The following CPQ variants were observed in gnomAD, a reference collection of about 807,000 sequenced individuals.
The protein encoded by CPQ is Ser-Met dipeptidase.
In CPQ, 37 loss-of-function variants were observed where a neutral mutation model predicts 45.7. The ratio of observed to expected loss-of-function variants is 0.81; its 90% CI spans 0.62 to 1.07. The LOEUF (loss-of-function observed/expected upper bound fraction) is 1.07, where lower values mean the gene tolerates loss of function less well. Ranked by LOEUF, CPQ falls within the 50% of genes least tolerant of loss-of-function variation. CPQ has a pLI of 0.00. For synonymous variants in CPQ, 186 were observed against 205.8 expected, an observed-to-expected ratio of 0.90 and a Z score of 0.82; for missense variants, 537 against 572.9, an observed-to-expected ratio of 0.94 and a Z score of 0.64.
At chr8:96,771,381 T>C (rs925710787) in intron 1 of CPQ, among the ~76,000 whole-genome samples, 1 of 151,938 alleles carries the variant, frequency 6.6e-6, no homozygotes, top group African/African-American at 2.4e-5. Context: ...TGTTTCTAGG[T>C]GGGACTTTCT....
chr8:96,656,062 C>T (rs959238433), intron 1 of CPQ, among the ~76,000 whole-genome samples: 1 of 152,152 alleles, frequency 6.6e-6, no homozygotes. Flanking sequence ...CCATGTTGTC[C>T]AGGCTGGTCT....
chr8:96,686,309 ATGACATGCTGGC>A (rs1809226226), intron 1 of CPQ, among the ~76,000 whole-genome samples: 1 of 152,094 alleles, frequency 6.6e-6, no homozygotes, highest in South Asian at 2.1e-4. Flanking sequence ...TTCATTAAGC[ATGACATGCTGGC>A]TTTTGAGATG....
intron 1 of CPQ, among the ~76,000 whole-genome samples, chr8:96,718,967 G>T (rs528694210): frequency 6.6e-6 from 1 of 152,246 alleles, no homozygotes; most frequent in Non-Finnish European, 1.5e-5. Context: ...CAATCCCTGA[G>T]CTAGACATAA....
At position 97,131,888 on chromosome 8, in the gene CPQ, T is replaced by C. The variant is rs145502280; in HGVS notation, c.1256-11132T>C. On this transcript the variant is annotated intron_variant, in intron 7 of 7. Transcript: ENST00000220763. ...ACCAGTCCGTAAGTGGATCTGCTTA[T>C]AGAGAAACACCTGTTGCTTCTGTTT... Among the ~76,000 whole-genome samples, 305 of 152,254 alleles carry C rather than the reference T, an allele frequency of 2.0e-3. 1 individual carries two copies. Among genetic ancestry groups the C allele is most frequent in the African/African-American group, 6.6e-3 (274 of 41,506 alleles).
At chr8:96,802,256 A>G (rs1254849066) in intron 2 of CPQ, among the ~76,000 whole-genome samples, 1 of 152,190 alleles carries the variant, frequency 6.6e-6, no homozygotes, top group Non-Finnish European at 1.5e-5. Context: ...TCTAGAATTA[A>G]TTAGAGCTTC....
chr8:96,684,380 G>T (rs1809195531), intron 1 of CPQ, among the ~76,000 whole-genome samples: 1 of 152,226 alleles, frequency 6.6e-6, no homozygotes, highest in African/African-American at 2.4e-5. Flanking sequence ...GGCTTTGCTG[G>T]AGATGGGCAT....
At chr8:96,835,317 C>A (rs1304546710) in intron 3 of CPQ, 137 bp downstream of exon 3, 2 of 593,050 alleles carry the variant, frequency 3.4e-6, no homozygotes, top group Non-Finnish European at 5.3e-6. Flanking sequence ...ACACACACAC[C>A]CATTCCACAT....
intron 4 of CPQ, among the ~76,000 whole-genome samples, chr8:96,897,012 A>G (rs926410226): frequency 6.6e-5 from 10 of 152,216 alleles, no homozygotes; most frequent in Admixed American, 1.3e-4. Flanking sequence ...TGATTCCCAC[A>G]CCATTACTCT....
At chr8:96,965,649 G>A (rs142284880) in intron 4 of CPQ, among the ~76,000 whole-genome samples, 218 of 152,150 alleles carry the variant, frequency 1.4e-3, no homozygotes, top group African/African-American at 5.0e-3. Context: ...GATTAGAGGC[G>A]TGAGCCACCG....
intron 4 of CPQ, among the ~76,000 whole-genome samples, chr8:96,963,714 C>T (rs984240440): frequency 6.6e-5 from 10 of 152,070 alleles, no homozygotes; most frequent in Non-Finnish European, 7.4e-5. Flanking sequence ...AGAAAGTGCA[C>T]GAATCCTAAG....
At chr8:96,792,245 A>C (rs1810856184) in intron 2 of CPQ, among the ~76,000 whole-genome samples, 1 of 152,220 alleles carries the variant, frequency 6.6e-6, no homozygotes, top group African/African-American at 2.4e-5. Context: ...CACAATCTCC[A>C]ATCAGTCCTG....
At chr8:97,000,343 G>A (rs1809254235) in intron 5 of CPQ, among the ~76,000 whole-genome samples, 1 of 151,974 alleles carries the variant, frequency 6.6e-6, no homozygotes. Context: ...GTATTGCCCA[G>A]GTTGTCTTCC....
chr8:97,070,044 A>G (rs1810712969), intron 7 of CPQ, among the ~76,000 whole-genome samples: 1 of 152,240 alleles, frequency 6.6e-6, no homozygotes, highest in Admixed American at 6.5e-5. Context: ...GTCAACATTA[A>G]TATAAGGCTT....
chr8:96,879,869 A>T lies in CPQ; in HGVS notation c.713A>T (p.Asp238Val). ...KIPTACITVE[D>V]AEMMSRMASH... ...CCAACAGCCTGTATTACGGTGGAAGATGCAGAAATGATGTCAAGAATGGCT... is the reference window on the plus strand; with the variant it reads ...CCAACAGCCTGTATTACGGTGGAAGTTGCAGAAATGATGTCAAGAATGGCT... Residue 238 changes from aspartate (D) to valine (V), a missense_variant, in exon 4 of 8, where the codon GAT becomes GTT. Physicochemically the swap from Asp to Val is radical, Grantham distance 152. Transcript: ENST00000220763. 1.2e-6 allele frequency: 2 copies of T among 1,614,122 alleles called. No individual in the cohort carries two copies. The highest frequency in any genetic ancestry group is 1.1e-5 in the South Asian group (1 of 91,082).
At position 96,688,083 on chromosome 8, in the gene CPQ, G is replaced by T. The variant is rs374246910; in HGVS notation, c.-35+42681G>T. On this transcript the variant is annotated intron_variant, in intron 1 of 7. Transcript: ENST00000220763. Reference sequence around the variant, plus strand: ...TTTTATTTTCTAATTTAAGACTTCTGTTTTCTGTAGGTTTTTCTTTATTGA... The same window carrying T: ...TTTTATTTTCTAATTTAAGACTTCTTTTTTCTGTAGGTTTTTCTTTATTGA... Among the ~76,000 whole-genome samples, 70 of 152,066 alleles carry T rather than the reference G, an allele frequency of 4.6e-4. 2 individuals carry two copies. Among genetic ancestry groups the T allele is most frequent in the African/African-American group, 1.7e-3 (69 of 41,508 alleles).
At chr8:97,042,518 C>T (rs891512636) in intron 6 of CPQ, among the ~76,000 whole-genome samples, 44 of 151,892 alleles carry the variant, frequency 2.9e-4, no homozygotes, top group Non-Finnish European at 5.4e-4. Flanking sequence ...TATTTCTTGC[C>T]TTCTGCTAGC....
intron 4 of CPQ, among the ~76,000 whole-genome samples, chr8:96,965,372 C>CTTTTTTT (rs5893403): frequency 3.7e-5 from 3 of 80,574 alleles, no homozygotes; most frequent in African/African-American, 4.6e-5. Flanking sequence ...AATTTCTTTT[C>CTTTTTTT]TTTTTTTTTT....
chr8:96,687,888 A>G (rs1489900233), intron 1 of CPQ, among the ~76,000 whole-genome samples: 1 of 151,924 alleles, frequency 6.6e-6, no homozygotes, highest in Non-Finnish European at 1.5e-5. Context: ...TTGTTTGCAA[A>G]TGGGCAGTTT....
At position 96,785,191 on chromosome 8, in the gene CPQ, T is replaced by G. The variant is rs755247748; in HGVS notation, c.294T>G (p.Asp98Glu). The change falls in exon 2 of 8, where the codon GAT (aspartate) becomes GAG (glutamate). Residue 98 changes from aspartate to glutamate, a missense_variant. Asp to Glu is a conservative substitution (Grantham distance 45, BLOSUM62 2). Coordinates refer to ENST00000220763, the MANE Select transcript of CPQ (RefSeq NM_016134.4). ...IQIMYQNLQQ[D>E]GLEKVHLEPV... Reference sequence around the variant, plus strand: ...TTATGTACCAAAACCTGCAGCAAGATGGGCTGGAGAAAGTTCACCTGGAGC... The same window carrying G: ...TTATGTACCAAAACCTGCAGCAAGAGGGGCTGGAGAAAGTTCACCTGGAGC... 1 of 1,613,524 alleles carries G rather than the reference T, an allele frequency of 6.2e-7. No individual in the cohort carries two copies. Among genetic ancestry groups the G allele is most frequent in the South Asian group, 1.1e-5 (1 of 91,062 alleles).
Sources: allele counts gnomAD v4.1 joint callset (sites outside exome capture counted in the v4.1 genomes callset), GRCh38; gene constraint gnomAD v4.1.1; transcripts MANE v1.5; gene names NCBI Gene and HGNC (gene_info 2026-07-23, HGNC 2026-07-21).